R3HDM2: variants seen among roughly 807,000 people sequenced by gnomAD.
The protein encoded by R3HDM2 is R3H domain-containing protein 2.
R3HDM2 carries 38 observed loss-of-function variants against 124.5 expected under a neutral mutation model. That is an observed-to-expected ratio of 0.31 (90% CI 0.24 to 0.40). The LOEUF (loss-of-function observed/expected upper bound fraction) is 0.40. Among genes scored for constraint, R3HDM2 ranks in the 10% least tolerant of loss-of-function variants. The probability of loss-of-function intolerance (pLI) is 1.00; values close to 1 mark genes in which losing one functional copy is unlikely to be tolerated. For missense variants in R3HDM2, 869 were observed against 1,236.9 expected, an observed-to-expected ratio of 0.70 and a Z score of 4.46; for synonymous variants, 391 against 448.0, an observed-to-expected ratio of 0.87 and a Z score of 1.61.
intron 1 of R3HDM2, among the ~76,000 whole-genome samples, chr12:57,415,583 A>G (rs1318612719): frequency 9.0e-3 from 4 of 446 alleles, no homozygotes; most frequent in South Asian, 0.5. Flanking sequence ...AGGGGTGGAA[A>G]AAAAAAAAAA....
intron 1 of R3HDM2, among the ~76,000 whole-genome samples, chr12:57,423,961 A>T (rs1367873753): frequency 2.0e-5 from 3 of 149,892 alleles, no homozygotes; most frequent in Non-Finnish European, 3.0e-5. Flanking sequence ...CTAAAAATAC[A>T]AAATTAGCCA....
intron 14 of R3HDM2, among the ~76,000 whole-genome samples, chr12:57,272,013 G>T (rs1192204953): frequency 1.3e-5 from 2 of 151,998 alleles, no homozygotes; most frequent in Non-Finnish European, 2.9e-5. Flanking sequence ...TCCTGCCTCA[G>T]CCTCTCAAGT....
At chr12:57,385,463 C>T (rs576744199) in intron 2 of R3HDM2, among the ~76,000 whole-genome samples, 3 of 151,910 alleles carry the variant, frequency 2.0e-5, no homozygotes, top group South Asian at 2.1e-4. Flanking sequence ...AGAATGGTCT[C>T]GATCTCCTGA....
chr12:57,400,801 T>C (rs746684191), intron 1 of R3HDM2, among the ~76,000 whole-genome samples: 1 of 152,132 alleles, frequency 6.6e-6, no homozygotes, highest in Non-Finnish European at 1.5e-5. Flanking sequence ...GACCAGAGTG[T>C]TAACCCTCAG....
intron 2 of R3HDM2, among the ~76,000 whole-genome samples, chr12:57,362,396 A>G (rs1440267202): frequency 1.3e-5 from 2 of 152,210 alleles, no homozygotes; most frequent in African/African-American, 2.4e-5. Context: ...GCATTTCAAG[A>G]ATATGGTATA....
At chr12:57,399,589 T>C (rs1171898084) in intron 1 of R3HDM2, among the ~76,000 whole-genome samples, 1 of 152,098 alleles carries the variant, frequency 6.6e-6, no homozygotes, top group Non-Finnish European at 1.5e-5. Flanking sequence ...AGTCAGAAAC[T>C]ACAGTTAACT....
chr12:57,330,409 C>T (rs2057969477), intron 2 of R3HDM2, among the ~76,000 whole-genome samples: 2 of 150,798 alleles, frequency 1.3e-5, no homozygotes, highest in South Asian at 4.2e-4. Flanking sequence ...AATGACACAA[C>T]CTCAGCTCAC....
At chr12:57,422,525 G>A (rs2070315028) in intron 1 of R3HDM2, among the ~76,000 whole-genome samples, 1 of 152,162 alleles carries the variant, frequency 6.6e-6, no homozygotes, top group African/African-American at 2.4e-5. Context: ...TAACTCCCAG[G>A]TAGTTAAGGA....
chr12:57,255,457 C>T (rs1476082274), intron 23 of R3HDM2, among the ~76,000 whole-genome samples: 1 of 152,158 alleles, frequency 6.6e-6, no homozygotes, highest in Non-Finnish European at 1.5e-5. Flanking sequence ...TGTTCTTTAA[C>T]AATAATGTAT....
intron 2 of R3HDM2, among the ~76,000 whole-genome samples, chr12:57,317,686 AAAG>A (rs1288016640): frequency 6.6e-6 from 1 of 150,514 alleles, no homozygotes; most frequent in Non-Finnish European, 1.5e-5. Context: ...AAAAAAAAAA[AAAG>A]GGTATATTAA....
chr12:57,383,864 T>G (rs1182388630), intron 2 of R3HDM2, among the ~76,000 whole-genome samples: 1 of 152,114 alleles, frequency 6.6e-6, no homozygotes, highest in Non-Finnish European at 1.5e-5. Flanking sequence ...AAATATTAGA[T>G]ACAATCTAAT....
intron 1 of R3HDM2, among the ~76,000 whole-genome samples, chr12:57,420,670 T>A (rs529142462): frequency 6.6e-6 from 1 of 152,126 alleles, no homozygotes; most frequent in Non-Finnish European, 1.5e-5. Context: ...TAGTTTTCCA[T>A]CTATCTTTAG....
chr12:57,360,036 T>TACATAC, intron 2 of R3HDM2, among the ~76,000 whole-genome samples: 1 of 78,384 alleles, frequency 1.3e-5, no homozygotes, highest in South Asian at 4.0e-4. Flanking sequence ...CACATATATA[T>TACATAC]ATATATATAT....
At chr12:57,385,746 G>C (rs948523061) in intron 2 of R3HDM2, among the ~76,000 whole-genome samples, 10 of 152,104 alleles carry the variant, frequency 6.6e-5, no homozygotes, top group Admixed American at 4.6e-4. Context: ...GACTGGGAGA[G>C]AAGACATCTA....
At position 57,296,851 on chromosome 12, in the gene R3HDM2, T is replaced by G; in HGVS notation, c.561-300A>C. ...GGCCAAGGCAGGCGGATCAATTGAG[T>G]TCAGGAGTTCAAGACCAGCCTGGTC... is the stretch of plus-strand genomic sequence containing the variant. On this transcript the variant is annotated intron_variant, in intron 8 of 23. Transcript: ENST00000402412. This position sits in a 1 kb window ranked among gnomAD's most constrained non-coding sequence, Gnocchi z 4.5. 3.8e-6 allele frequency: 1 copy of G among 259,842 alleles called. No homozygotes were observed. The highest frequency in any genetic ancestry group is 7.4e-6 in the Non-Finnish European group (1 of 135,582). 16.1% of individuals were successfully genotyped at this position (259,842 alleles called of 1,614,324 possible). A position where few individuals can be genotyped will look rare whatever the true frequency, so the allele number is the denominator to read the frequency against.
intron 2 of R3HDM2, among the ~76,000 whole-genome samples, chr12:57,339,776 A>G (rs2059334667): frequency 6.6e-6 from 1 of 152,108 alleles, no homozygotes; most frequent in South Asian, 2.1e-4. Context: ...GGAGAGGAAG[A>G]TATCAGAGAG....
At chr12:57,411,559 T>TA (rs2069006357) in intron 1 of R3HDM2, among the ~76,000 whole-genome samples, 1 of 152,248 alleles carries the variant, frequency 6.6e-6, no homozygotes. Flanking sequence ...AATATGCAGA[T>TA]ACATTTAATG....
At chr12:57,391,403 G>T (rs996521055) in intron 2 of R3HDM2, among the ~76,000 whole-genome samples, 2 of 152,158 alleles carry the variant, frequency 1.3e-5, no homozygotes, top group African/African-American at 4.8e-5. Context: ...TAATGTTTTT[G>T]AAATAACAAT....
chr12:57,342,248 A>AATTTTGCC (rs2059640655), intron 2 of R3HDM2, among the ~76,000 whole-genome samples: 1 of 152,138 alleles, frequency 6.6e-6, no homozygotes, highest in Admixed American at 6.6e-5. Flanking sequence ...GTTCTGCCGG[A>AATTTTGCC]ATTTTGCCGG....
Sources: allele counts gnomAD v4.1 joint callset (sites outside exome capture counted in the v4.1 genomes callset), GRCh38; gene constraint gnomAD v4.1.1; non-coding constraint Gnocchi (gnomAD v3.1); transcripts MANE v1.5; gene names NCBI Gene and HGNC (gene_info 2026-07-23, HGNC 2026-07-21).